The following TRIM54 variants were observed in gnomAD, a reference collection of about 807,000 sequenced individuals.
TRIM54 encodes the protein tripartite motif containing 54.
TRIM54 carries 40 observed loss-of-function variants against 42.0 expected under a neutral mutation model. The observed-to-expected ratio is 0.95, with a 90% CI of 0.74 to 1.24. TRIM54 has a LOEUF of 1.24. TRIM54 is among the 50% of genes most tolerant of loss of function. The pLI is 0.00. For missense variants in TRIM54, 485 were observed against 480.3 expected (o/e 1.01, Z -0.09); for synonymous variants, 199 against 194.9 (o/e 1.02, Z -0.17).
At chr2:27,295,554 C>T (rs1052898455) in intron 1 of TRIM54, among the ~76,000 whole-genome samples, 3 of 152,202 alleles carry the variant, frequency 2.0e-5, no homozygotes, top group Non-Finnish European at 4.4e-5. Flanking sequence ...GATCCACCCA[C>T]CTCGGCCTCC....
intron 3 of TRIM54, among the ~76,000 whole-genome samples, chr2:27,300,792 G>GAGGTT (rs1479431595): frequency 5.9e-5 from 9 of 152,208 alleles, no homozygotes; most frequent in African/African-American, 2.2e-4. Flanking sequence ...CTTGAGCCCG[G>GAGGTT]GAGGTTGAGG....
At chr2:27,302,866 A>G (rs549068711) in intron 3 of TRIM54, among the ~76,000 whole-genome samples, 2 of 152,296 alleles carry the variant, frequency 1.3e-5, no homozygotes, top group East Asian at 3.9e-4. Flanking sequence ...TCACCTAGGT[A>G]TGTTACTGGA....
chr2:27,287,030 TCTTA>T (rs1158176633), intron 1 of TRIM54, among the ~76,000 whole-genome samples: 2 of 152,184 alleles, frequency 1.3e-5, no homozygotes, highest in African/African-American at 4.8e-5. Flanking sequence ...GGGTTAGGGC[TCTTA>T]CTTCTGTAGG....
In TRIM54 at chr2:27,307,103, G is replaced by A. The variant is rs1218964793; in HGVS notation, c.*218G>A. 1.2e-5 allele frequency: 3 copies of A among 244,882 alleles called. No homozygotes were observed. Among genetic ancestry groups the A allele is most frequent in the Non-Finnish European group, 2.4e-5 (3 of 125,900 alleles). 15.2% of individuals were successfully genotyped at this position (244,882 alleles called of 1,614,324 possible). On this transcript the variant is annotated 3_prime_UTR_variant, in exon 9 of 9. Transcript: ENST00000380075. The surrounding 1 kb of genome is among the most constrained non-coding windows in gnomAD (Gnocchi z 6.9). ...CCTGCCCTTCCCAGAACCTGAGACC[G>A]TCTGGGGGGCGGAAGCCAAATGAAC...
At chr2:27,299,631 C>T in intron 3 of TRIM54, 1 of 938,608 alleles carries the variant, frequency 1.1e-6, no homozygotes, top group East Asian at 2.6e-5. Context: ...CCATCTTAGC[C>T]TCGCAGAACA....
intron 1 of TRIM54, 123 bp from the exon 2 acceptor site, chr2:27,298,444 A>C: frequency 1.9e-5 from 13 of 702,270 alleles, no homozygotes; most frequent in Non-Finnish European, 3.1e-5. Flanking sequence ...GCCACAGAGA[A>C]GAGCTGACAT....
Position 27,282,706 on chromosome 2 carries a change from C to T in TRIM54, c.-26C>T, listed in dbSNP as rs760630902. On this transcript the variant is annotated 5_prime_UTR_variant, in exon 1 of 9. Coordinates refer to ENST00000380075, the MANE Select transcript of TRIM54 (RefSeq NM_187841.3). ...AGTGAGTGAAGGCCAGGAGCAGGGC[C>T]CAGGCCAGGCACGACCACCGAGGGG... 6.3e-7 allele frequency: 1 copy of T among 1,597,146 alleles called. No individual in the cohort carries two copies. The highest frequency in any genetic ancestry group is 8.5e-7 in the Non-Finnish European group (1 of 1,172,634).
At chr2:27,286,647 T>C (rs147821823) in intron 1 of TRIM54, among the ~76,000 whole-genome samples, 2 of 152,348 alleles carry the variant, frequency 1.3e-5, no homozygotes, top group East Asian at 3.9e-4. Context: ...TGCAACCTGT[T>C]GTAATTTAAC....
At position 27,306,879 on chromosome 2, in the gene TRIM54, G is replaced by A. The variant is rs1307993304; in HGVS notation, c.*2-8G>A. 1 of 423,808 alleles carries A rather than the reference G, an allele frequency of 2.4e-6. No individual in the cohort carries two copies. Among genetic ancestry groups the A allele is most frequent in the Non-Finnish European group, 4.3e-6 (1 of 234,520 alleles). 26.3% of individuals were successfully genotyped at this position (423,808 alleles called of 1,614,324 possible). ...ACCCGCCCACCGAGCCTTCTTTCCC[G>A]GGCACAGGCCTGCGCCGACCCGACC... is the stretch of plus-strand genomic sequence containing the variant. On this transcript the variant is annotated splice_polypyrimidine_tract_variant and splice_region_variant and intron_variant, in intron 8 of 8. Coordinates refer to ENST00000380075, the MANE Select transcript of TRIM54 (RefSeq NM_187841.3). The surrounding 1 kb of genome is among the most constrained non-coding windows in gnomAD (Gnocchi z 6.1).
chr2:27,283,047 G>A, intron 1 of TRIM54, 148 bp downstream of exon 1: 1 of 887,164 alleles, frequency 1.1e-6, no homozygotes, highest in African/African-American at 1.7e-5. Context: ...AGAAGGGCTG[G>A]GGTCCAAGCA....
intron 3 of TRIM54, among the ~76,000 whole-genome samples, chr2:27,300,877 T>TA: frequency 6.6e-6 from 1 of 152,022 alleles, no homozygotes; most frequent in South Asian, 2.1e-4. Context: ...AAAACAAACA[T>TA]ACAATATTAA....
In TRIM54 at chr2:27,298,606, G is replaced by A. The variant is rs1157649364; in HGVS notation, c.208G>A (p.Val70Met). The A allele has an allele frequency of 6.2e-7, 1 of 1,614,130 alleles. No homozygotes were observed. Residue 70 changes from valine to methionine, a missense_variant, in exon 2 of 9, where the codon GTG becomes ATG. Coordinates refer to ENST00000380075, the MANE Select transcript of TRIM54 (RefSeq NM_187841.3). Reference protein sequence around the residue: ...PLWQSRGSTTVSSGGRFRCPS... With the variant: ...PLWQSRGSTTMSSGGRFRCPS... ...ATGGCAGTCCCGGGGCTCCACCACT[G>A]TGTCTTCAGGAGGCCGTTTCCGCTG... is the stretch of plus-strand genomic sequence containing the variant.
chr2:27,299,490 T>C (rs373006964), intron 3 of TRIM54, 74 bp downstream of exon 3: 3 of 1,563,828 alleles, frequency 1.9e-6, no homozygotes, highest in Non-Finnish European at 1.7e-6. Flanking sequence ...AGCCTCTTAC[T>C]CCACTTATCT....
chr2:27,301,350 G>T (rs890409019), intron 3 of TRIM54, among the ~76,000 whole-genome samples: 1 of 152,088 alleles, frequency 6.6e-6, no homozygotes, highest in Non-Finnish European at 1.5e-5. Flanking sequence ...ATGTTGGCCA[G>T]GCTGGTCTCA....
At chr2:27,288,846 A>T (rs1028387905) in intron 1 of TRIM54, among the ~76,000 whole-genome samples, 1 of 152,236 alleles carries the variant, frequency 6.6e-6, no homozygotes, top group African/African-American at 2.4e-5. Context: ...TACACATCAC[A>T]TCATTGGCAC....
At chr2:27,293,326 A>T (rs1678770725) in intron 1 of TRIM54, among the ~76,000 whole-genome samples, 1 of 152,138 alleles carries the variant, frequency 6.6e-6, no homozygotes, top group African/African-American at 2.4e-5. Flanking sequence ...ATCTCTCTTT[A>T]GTTCTGTGCC....
intron 3 of TRIM54, 69 bp downstream of exon 3, chr2:27,299,485 C>G (rs1558588001): frequency 1.9e-6 from 3 of 1,568,572 alleles, no homozygotes; most frequent in East Asian, 2.3e-5. Context: ...GTGTCAGCCT[C>G]TTACTCCACT....
chr2:27,291,035 ATAATT>A (rs1225391221), intron 1 of TRIM54, among the ~76,000 whole-genome samples: 9 of 152,296 alleles, frequency 5.9e-5, no homozygotes, highest in Admixed American at 2.6e-4. Context: ...TACCTGTACT[ATAATT>A]TAATAGTTCT....
chr2:27,283,033 G>A (rs1205590526), intron 1 of TRIM54, 134 bp downstream of exon 1: 3 of 1,015,012 alleles, frequency 3.0e-6, no homozygotes, highest in Non-Finnish European at 4.2e-6. Flanking sequence ...TGTGGCTGGA[G>A]AGCAGAAGGG....
Sources: allele counts gnomAD v4.1 joint callset (sites outside exome capture counted in the v4.1 genomes callset), GRCh38; gene constraint gnomAD v4.1.1; non-coding constraint Gnocchi (gnomAD v3.1); transcripts MANE v1.5; gene names NCBI Gene and HGNC (gene_info 2026-07-23, HGNC 2026-07-21).